The following NPAT variants were observed in gnomAD, a reference collection of about 807,000 sequenced individuals.
The protein encoded by NPAT is nuclear protein, coactivator of histone transcription.
NPAT carries 52 observed loss-of-function variants against 130.7 expected under a neutral mutation model. The ratio of observed to expected loss-of-function variants is 0.40; its 90% CI spans 0.32 to 0.50. The LOEUF is 0.50. NPAT is among the 20% of genes least tolerant of loss of function. The probability of loss-of-function intolerance (pLI) is 0.68; values close to 1 mark genes in which losing one functional copy is unlikely to be tolerated. For synonymous variants in NPAT, 580 were observed against 584.8 expected, an observed-to-expected ratio of 0.99 and a Z score of 0.12; for missense variants, 1,687 against 1,662.6, an observed-to-expected ratio of 1.01 and a Z score of -0.26.
intron 15 of NPAT, among the ~76,000 whole-genome samples, chr11:108,163,544 T>A (rs1222040289): frequency 6.6e-6 from 1 of 152,048 alleles, no homozygotes; most frequent in African/African-American, 2.4e-5. Context: ...TGAGAGACAA[T>A]AATGGGCATG....
intron 13 of NPAT, among the ~76,000 whole-genome samples, chr11:108,170,559 A>T (rs2077941284): frequency 1.3e-5 from 2 of 152,218 alleles, no homozygotes; most frequent in Non-Finnish European, 2.9e-5. Context: ...AAAACTATGG[A>T]GGGAAAATTA....
intron 4 of NPAT, among the ~76,000 whole-genome samples, chr11:108,191,166 C>A (rs2078165831): frequency 6.6e-6 from 1 of 152,092 alleles, no homozygotes; most frequent in Non-Finnish European, 1.5e-5. Context: ...TTATCTTTCA[C>A]AATTATAGAG....
intron 10 of NPAT, among the ~76,000 whole-genome samples, chr11:108,181,465 A>G (rs1377998499): frequency 5.0e-5 from 2 of 40,196 alleles, no homozygotes; most frequent in Non-Finnish European, 1.6e-4. Context: ...ACTCTGTCTC[A>G]AAAAAAACAA....
rs373111270 is a variant in NPAT, at chr11:108,189,209, A to C, written c.453T>G (p.Pro151=). The C allele has an allele frequency of 1.5e-5, 24 of 1,614,114 alleles. No homozygotes were observed. The highest frequency in any genetic ancestry group is 1.8e-5 in the Non-Finnish European group (21 of 1,180,044). The change falls in exon 6 of 18, where the codon CCT becomes CCG. Residue 151 remains proline, a synonymous_variant. Transcript: ENST00000278612. Reference sequence around the variant, plus strand: ...GTCGAGTAACCTGTGTACCTGTGGAAGGAGGAGTGGTAAACTGTCCTGAAA... The same window carrying C: ...GTCGAGTAACCTGTGTACCTGTGGACGGAGGAGTGGTAAACTGTCCTGAAA... ...PYLSGQFTTP[P]STGTQVTRPS...
In NPAT at chr11:108,159,860, C is replaced by A. The variant is rs572179155; in HGVS notation, c.4207-841G>T. 7.5e-4 allele frequency among the ~76,000 whole-genome samples: 112 copies of A among 149,898 alleles called. 2 individuals are homozygous for A. The highest frequency in any genetic ancestry group is 7.3e-3 in the East Asian group (37 of 5,096). ...AGACTGTCTCTATAAAAAAAAAAAA[C>A]CAGAAAAAATGACCAGGCGTGGTGG... On this transcript the variant is annotated intron_variant, in intron 17 of 17. Coordinates refer to ENST00000278612, the MANE Select transcript of NPAT (RefSeq NM_002519.3).
At chr11:108,193,894 A>G in intron 3 of NPAT, 63 bp downstream of exon 3, 1 of 998,040 alleles carries the variant, frequency 1.0e-6, no homozygotes, top group East Asian at 2.4e-5. Context: ...AATCATTTTT[A>G]ACTAAATCAA....
chr11:108,185,815 C>A (rs1373774610), intron 8 of NPAT, among the ~76,000 whole-genome samples: 1 of 152,244 alleles, frequency 6.6e-6, no homozygotes, highest in East Asian at 1.9e-4. Flanking sequence ...ACTGCAACCT[C>A]CACCTCGCAG....
chr11:108,196,753 G>A (rs540850166), intron 2 of NPAT, among the ~76,000 whole-genome samples: 18 of 152,224 alleles, frequency 1.2e-4, no homozygotes, highest in African/African-American at 3.4e-4. Flanking sequence ...TGTATATTCT[G>A]TATTCTATGA....
chr11:108,160,930 T>G lies in NPAT; in HGVS notation c.4156A>C (p.Ser1386Arg). ...ATTGATGAATTTGTAAGATTTTTACTAGAAGGACGAGAGTTTCGCTCACGT... is the reference window on the plus strand; with the variant it reads ...ATTGATGAATTTGTAAGATTTTTACGAGAAGGACGAGAGTTTCGCTCACGT... ...DERERNSRPS[S>R]KNLTNSSIPM... The change falls in exon 17 of 18, where the codon AGT becomes CGT. Residue 1386 changes from serine to arginine, a missense_variant. This residue lies in a region of NPAT where 1,379 missense variants were observed against 1,346.6 expected (regional missense o/e 1.02). Coordinates refer to ENST00000278612, the MANE Select transcript of NPAT (RefSeq NM_002519.3). The G allele has an allele frequency of 1.9e-6, 3 of 1,614,192 alleles. No homozygotes were observed. The highest frequency in any genetic ancestry group is 2.5e-6 in the Non-Finnish European group (3 of 1,180,010).
Position 108,158,992 on chromosome 11 carries a change from C to A in NPAT, c.4234G>T (p.Ala1412Ser), listed in dbSNP as rs757145873. 5.6e-6 allele frequency: 9 copies of A among 1,608,138 alleles called. No individual in the cohort carries two copies. In the African/African-American group the frequency reaches 1.2e-4, roughly 22 times the overall value. The change falls in exon 18 of 18, where the codon GCA (alanine) becomes TCA (serine). Residue 1412 changes from alanine to serine, a missense_variant. Around this residue, in one of 3 missense-constraint regions of NPAT, gnomAD observed 1,379 missense variants for 1,346.6 expected, o/e 1.02. Coordinates refer to ENST00000278612, the MANE Select transcript of NPAT (RefSeq NM_002519.3). The part of the protein sequence containing the change: ...KKKKLPSSFP[A>S]GMDVDKFLLS... ...AAAAATTTGTCTACATCCATTCCTG[C>A]TGGAAATGAACTGGGAAGCTTCTTT...
At chr11:108,175,641 G>C (rs2077998642) in intron 12 of NPAT, among the ~76,000 whole-genome samples, 2 of 152,156 alleles carry the variant, frequency 1.3e-5, no homozygotes, top group Admixed American at 6.5e-5. Context: ...AATTGGACTT[G>C]ATTGTTGGCA....
intron 16 of NPAT, 50 bp downstream of exon 16, chr11:108,162,070 T>C (rs1248220677): frequency 4.3e-6 from 7 of 1,611,984 alleles, no homozygotes; most frequent in Middle Eastern, 1.7e-4. Flanking sequence ...CCTTTATGTT[T>C]TAAATCTGAG....
rs371520182 is a variant in NPAT at position 108,197,386 on chromosome 11, G to A, written c.72C>T (p.Cys24=). 6.2e-7 allele frequency: 1 copy of A among 1,612,680 alleles called. No homozygotes were observed. The highest frequency in any genetic ancestry group is 8.5e-7 in the Non-Finnish European group (1 of 1,178,916). The change falls in exon 2 of 18, where the codon TGC becomes TGT. Residue 24 remains cysteine (C), a synonymous_variant. Coordinates refer to ENST00000278612, the MANE Select transcript of NPAT (RefSeq NM_002519.3). ...CTGAACTTTCCAAAATAAAAGTCTG[G>A]CAGGTAGAAATGAGGTTTTCTTGCT... The part of the protein sequence containing the change: ...YLQQENLIST[C]QTFILESSDL...
chr11:108,180,212 T>G (rs890232432), intron 10 of NPAT, among the ~76,000 whole-genome samples: 1 of 152,058 alleles, frequency 6.6e-6, no homozygotes. Context: ...CTGTAGTCCC[T>G]GCTACTTGGG....
intron 1 of NPAT, among the ~76,000 whole-genome samples, chr11:108,201,894 AGAG>A (rs1591411431): frequency 1.3e-5 from 2 of 152,222 alleles, no homozygotes; most frequent in Admixed American, 6.5e-5. Flanking sequence ...ATGCGGTCAG[AGAG>A]GACCTTGAAG....
intron 1 of NPAT, among the ~76,000 whole-genome samples, chr11:108,202,737 C>T (rs576228526): frequency 2.6e-5 from 4 of 152,224 alleles, no homozygotes; most frequent in South Asian, 4.1e-4. Context: ...TGGGAGGTTA[C>T]CCAGGGGAAG....
At chr11:108,179,363 G>A (rs1471376080) in intron 10 of NPAT, among the ~76,000 whole-genome samples, 11 of 152,026 alleles carry the variant, frequency 7.2e-5, no homozygotes, top group Middle Eastern at 3.4e-3. Context: ...CACTTCCCAG[G>A]TTCATGTGAA....
At chr11:108,160,744 T>C in intron 17 of NPAT, 136 bp downstream of exon 17, 1 of 760,112 alleles carries the variant, frequency 1.3e-6, no homozygotes, top group Admixed American at 2.3e-5. Flanking sequence ...CATGGTTATG[T>C]ATTTTGTCAA....
At chr11:108,191,767 A>C (rs1464768605) in intron 4 of NPAT, among the ~76,000 whole-genome samples, 1 of 152,224 alleles carries the variant, frequency 6.6e-6, no homozygotes, top group Admixed American at 6.5e-5. Flanking sequence ...GCATGGGTTC[A>C]ACGCATCAAT....
Sources: gnomAD v4.1 joint callset for allele counts (sites outside exome capture counted in the v4.1 genomes callset) on GRCh38, gnomAD v4.1.1 for gene constraint, gnomAD v4.1.1 regional missense constraint, MANE v1.5 for transcripts, NCBI Gene and HGNC (gene_info 2026-07-23, HGNC 2026-07-21) for gene names.